Variants in XXYLT1 observed in about 807,000 individuals in gnomAD.
XXYLT1 encodes the protein UDP-xylose:alpha-xyloside alpha-1,3-xylosyltransferase.
Under a neutral mutation model 28.9 loss-of-function variants are expected in XXYLT1, and 20 were observed. The ratio of observed to expected loss-of-function variants is 0.69; its 90% confidence interval spans 0.49 to 1.00. The LOEUF is 1.00. XXYLT1 is among the 50% of genes least tolerant of loss of function. The probability of loss-of-function intolerance (pLI) is 0.00; values close to 1 mark genes in which losing one functional copy is unlikely to be tolerated. For missense variants in XXYLT1, 542 were observed against 560.1 expected (o/e 0.97, Z 0.33); for synonymous variants, 257 against 253.8 (o/e 1.01, Z -0.12).
At position 195,256,835 on chromosome 3, in the gene XXYLT1, G is replaced by A. The variant is rs1399261423; in HGVS notation, c.504+13720C>T. Among the ~76,000 whole-genome samples, 1 of 152,222 alleles carries A rather than the reference G, an allele frequency of 6.6e-6. No homozygotes were observed. The highest frequency in any genetic ancestry group is 6.5e-5 in the Admixed American group (1 of 15,288). ...AGCTGAAGTGAGCGCCCAGGGGCAG[G>A]TGCAGGCTGAAGAGCTTGCCCAGGG... On this transcript the variant is annotated intron_variant, in intron 1 of 3. Coordinates refer to ENST00000310380, the MANE Select transcript of XXYLT1 (RefSeq NM_152531.5). The surrounding 1 kb of genome is among the most constrained non-coding windows in gnomAD (Gnocchi z 4.2).
intron 1 of XXYLT1, among the ~76,000 whole-genome samples, chr3:195,261,066 C>T (rs1427139512): frequency 6.6e-6 from 1 of 152,228 alleles, no homozygotes; most frequent in East Asian, 1.9e-4. Context: ...TGCTCTCAGC[C>T]TCAGGGATGC....
intron 2 of XXYLT1, chr3:195,207,351 C>A: frequency 2.5e-6 from 1 of 394,032 alleles, no homozygotes; most frequent in South Asian, 1.8e-5. Flanking sequence ...AGGAAACAGC[C>A]AGCCCTGCCC....
In XXYLT1 at chr3:195,175,803, C is replaced by T. The variant is rs111728124; in HGVS notation, c.653-19222G>A. On this transcript the variant is annotated intron_variant, in intron 2 of 3. Coordinates refer to ENST00000310380, the MANE Select transcript of XXYLT1 (RefSeq NM_152531.5). Reference sequence around the variant, plus strand: ...CCACATGCTCCAGATGGCGTCGTTACAGGATGGAAGTGGCCTCGATTCCCG... The same window carrying T: ...CCACATGCTCCAGATGGCGTCGTTATAGGATGGAAGTGGCCTCGATTCCCG... 2,429 of 1,466,588 alleles carry T rather than the reference C, an allele frequency of 1.7e-3. 30 individuals are homozygous for T. In the African/African-American group the frequency reaches 0.03, roughly 18 times the overall value. The allele number at this position is 1,466,588 out of a possible 1,614,324, so 90.8% of individuals were successfully genotyped here. A position where few individuals can be genotyped will look rare whatever the true frequency, so the allele number is the denominator to read the frequency against.
chr3:195,135,158 G>A (rs756460331), intron 3 of XXYLT1, among the ~76,000 whole-genome samples: 42 of 152,298 alleles, frequency 2.8e-4, no homozygotes, highest in Admixed American at 1.7e-3. Context: ...TGTGGGAGGT[G>A]ATCCGCTTGA....
At chr3:195,187,250 AAAAG>A (rs1722240846) in intron 2 of XXYLT1, among the ~76,000 whole-genome samples, 1 of 147,026 alleles carries the variant, frequency 6.8e-6, no homozygotes, top group African/African-American at 2.7e-5. Context: ...AAAAAAAAAA[AAAAG>A]ATAGAGACGG....
At chr3:195,098,878 G>A (rs1577023438) in intron 3 of XXYLT1, among the ~76,000 whole-genome samples, 2 of 152,196 alleles carry the variant, frequency 1.3e-5, no homozygotes, top group Non-Finnish European at 1.5e-5. Flanking sequence ...GGGTCTCCAA[G>A]CTGCCTCAGG....
intron 1 of XXYLT1, among the ~76,000 whole-genome samples, chr3:195,238,924 A>G (rs1724666241): frequency 6.6e-6 from 1 of 152,220 alleles, no homozygotes; most frequent in Non-Finnish European, 1.5e-5. Flanking sequence ...CACGCAGAGC[A>G]GGGCTGCTGC....
intron 3 of XXYLT1, chr3:195,095,646 ACT>A (rs1344213172): frequency 6.5e-6 from 1 of 153,538 alleles, no homozygotes; most frequent in Non-Finnish European, 1.5e-5. Context: ...GCGCCTGATG[ACT>A]CTTGGGAAGA....
intron 2 of XXYLT1, among the ~76,000 whole-genome samples, chr3:195,186,695 T>C (rs1485349356): frequency 6.6e-6 from 1 of 151,508 alleles, no homozygotes; most frequent in East Asian, 2.0e-4. Context: ...GCTGTTCCCA[T>C]TATCTGCTTA....
At position 195,124,003 on chromosome 3, in the gene XXYLT1, A is replaced by G. The variant is rs1365581134; in HGVS notation, c.785+32446T>C. Among the ~76,000 whole-genome samples, 1 of 152,268 alleles carries G rather than the reference A, an allele frequency of 6.6e-6. No homozygotes were observed. The highest frequency in any genetic ancestry group is 1.5e-5 in the Non-Finnish European group (1 of 68,044). On this transcript the variant is annotated intron_variant, in intron 3 of 3. Coordinates refer to ENST00000310380, the MANE Select transcript of XXYLT1 (RefSeq NM_152531.5). This position sits in a 1 kb window ranked among gnomAD's most constrained non-coding sequence, Gnocchi z 4.1. The stretch of plus-strand genomic sequence containing the variant: ...AAGCTAACGCTCAACAAAGCTAGAC[A>G]GGACTGTGTACTTCAGGACTTCTAG...
intron 2 of XXYLT1, among the ~76,000 whole-genome samples, chr3:195,202,418 A>AAAT (rs1262638568): frequency 1.3e-5 from 2 of 152,074 alleles, no homozygotes; most frequent in African/African-American, 4.8e-5. Context: ...AAAAAAAAAA[A>AAAT]AAAAACTGAC....
chr3:195,085,029 C>T (rs1369039365), intron 3 of XXYLT1, among the ~76,000 whole-genome samples: 1 of 152,244 alleles, frequency 6.6e-6, no homozygotes, highest in Non-Finnish European at 1.5e-5. Context: ...GTGTGTGGTT[C>T]ATCTGAGCAG....
Position 195,176,502 on chromosome 3 carries a change from T to G in XXYLT1, c.653-19921A>C, listed in dbSNP as rs1032532071. Among the ~76,000 whole-genome samples, 4 of 152,244 alleles carry G rather than the reference T, an allele frequency of 2.6e-5. No individual in the cohort carries two copies. Among genetic ancestry groups the G allele is most frequent in the African/African-American group, 9.7e-5 (4 of 41,448 alleles). ...GATCTTGAATATTCTGTCTTCGGTT[T>G]CAAACACAACAATCTTGCTTGTGCG... On this transcript the variant is annotated intron_variant, in intron 2 of 3. Coordinates refer to ENST00000310380, the MANE Select transcript of XXYLT1 (RefSeq NM_152531.5). The surrounding 1 kb of genome is among the most constrained non-coding windows in gnomAD (Gnocchi z 4.9).
At chr3:195,178,327 C>T (rs1708408667) in intron 2 of XXYLT1, among the ~76,000 whole-genome samples, 1 of 152,184 alleles carries the variant, frequency 6.6e-6, no homozygotes, top group Admixed American at 6.5e-5. Flanking sequence ...ATCCCCAGAC[C>T]AGTCTCCTTT....
rs1029079205 is a variant in XXYLT1 at position 195,259,713 on chromosome 3, G to A, written c.504+10842C>T. On this transcript the variant is annotated intron_variant, in intron 1 of 3. Transcript: ENST00000310380. Reference sequence around the variant, plus strand: ...CCAGGGACAGACCCAGCACCAGGGCGGCCCCCGGAGCCGGCCTCTGGCGGC... The same window carrying A: ...CCAGGGACAGACCCAGCACCAGGGCAGCCCCCGGAGCCGGCCTCTGGCGGC... The A allele has an allele frequency of 1.1e-5, 11 of 978,830 alleles. No individual in the cohort carries two copies. In the African/African-American group the frequency reaches 1.8e-4, roughly 16 times the overall value. The allele number at this position is 978,830 out of a possible 1,614,324, so 60.6% of individuals were successfully genotyped here. A position where few individuals can be genotyped will look rare whatever the true frequency, so the allele number is the denominator to read the frequency against.
chr3:195,169,659 C>A (rs1001669676), intron 2 of XXYLT1, among the ~76,000 whole-genome samples: 5 of 152,108 alleles, frequency 3.3e-5, no homozygotes, highest in African/African-American at 7.2e-5. Context: ...TAGCCCCCCC[C>A]ATAAGTAAAG....
At chr3:195,143,184 G>C (rs750808740) in intron 3 of XXYLT1, among the ~76,000 whole-genome samples, 2 of 152,194 alleles carry the variant, frequency 1.3e-5, no homozygotes, top group Non-Finnish European at 1.5e-5. Flanking sequence ...AGGAGAAAAT[G>C]TTGGGAAAAA....
intron 3 of XXYLT1, among the ~76,000 whole-genome samples, chr3:195,110,646 GTGTGTGTGGTGTGT>G (rs1717611298): frequency 9.3e-6 from 1 of 106,958 alleles, no homozygotes; most frequent in African/African-American, 3.5e-5. Context: ...TGATGTATAA[GTGTGTGTGGTGTGT>G]TGTGTGTGGT....
chr3:195,156,361 A>G, intron 3 of XXYLT1, 88 bp downstream of exon 3: 1 of 1,554,268 alleles, frequency 6.4e-7, no homozygotes, highest in Non-Finnish European at 8.7e-7. Context: ...GGACGCCACT[A>G]AATCCCAATC....
Sources: allele counts gnomAD v4.1 joint callset (sites outside exome capture counted in the v4.1 genomes callset), GRCh38; gene constraint gnomAD v4.1.1; non-coding constraint Gnocchi (gnomAD v3.1); transcripts MANE v1.5; gene names NCBI Gene and HGNC (gene_info 2026-07-23, HGNC 2026-07-21).